Variants in WDR49 observed in about 807,000 individuals in gnomAD.
The protein encoded by WDR49 is WD repeat domain 49, also known as cilia- and flagella-associated protein 337.
A neutral mutation model predicts 119.5 loss-of-function variants in WDR49; 107 were observed. That is an observed-to-expected ratio of 0.90 (90% CI 0.77 to 1.05). The LOEUF is 1.05. Among genes scored for constraint, WDR49 ranks in the 50% least tolerant of loss-of-function variants. WDR49 has a pLI of 0.00. For synonymous variants in WDR49, 425 were observed against 418.8 expected, an observed-to-expected ratio of 1.01 and a Z score of -0.18; for missense variants, 1,240 against 1,220.5, an observed-to-expected ratio of 1.02 and a Z score of -0.24.
At chr3:167,641,576 A>G (rs1428089093) in intron 2 of WDR49, among the ~76,000 whole-genome samples, 1 of 151,982 alleles carries the variant, frequency 6.6e-6, no homozygotes, top group Non-Finnish European at 1.5e-5. Flanking sequence ...TCTTCTGAGC[A>G]CTAAACCTTT....
chr3:167,586,094 T>C lies in WDR49; in HGVS notation c.1276-9943A>G, dbSNP rs186792756. 2.4e-3 allele frequency among the ~76,000 whole-genome samples: 371 copies of C among 152,304 alleles called. 1 individual carries two copies. Among genetic ancestry groups the C allele is most frequent in the African/African-American group, 8.3e-3 (345 of 41,590 alleles). ...TCTTACCAACCATAGGTCTACAATA[T>C]AGAAGCCAGGTTCTGAGAAAAATCA... is the stretch of plus-strand genomic sequence containing the variant. On this transcript the variant is annotated intron_variant, in intron 7 of 18. Coordinates refer to ENST00000682715, the MANE Select transcript of WDR49 (RefSeq NM_001366157.1).
chr3:167,641,481 G>C (rs1333253725), intron 2 of WDR49, among the ~76,000 whole-genome samples: 1 of 151,782 alleles, frequency 6.6e-6, no homozygotes. Context: ...ATATACCCTA[G>C]CTGATTTATA....
chr3:167,530,576 A>C (rs1043874796), intron 13 of WDR49, among the ~76,000 whole-genome samples: 5 of 152,098 alleles, frequency 3.3e-5, no homozygotes, highest in Non-Finnish European at 5.9e-5. Flanking sequence ...ACTTAAAAAA[A>C]AAAACAAAAC....
Position 167,575,930 on chromosome 3 carries a change from A to G in WDR49, c.1497T>C (p.Ser499=). The G allele has an allele frequency of 6.2e-7, 1 of 1,614,136 alleles. No homozygotes were observed. The highest frequency in any genetic ancestry group is 8.5e-7 in the Non-Finnish European group (1 of 1,179,976). Residue 499 remains serine, a synonymous_variant, in exon 8 of 19, where the codon TCT becomes TCC. Coordinates refer to ENST00000682715, the MANE Select transcript of WDR49 (RefSeq NM_001366157.1). The part of the protein sequence containing the change: ...EKAVTCVLYN[S]ILKQVISSDT... Reference sequence around the variant, plus strand: ...AAAGCATCATTACCTGCTTCAAGATAGAATTGTAAAGAACACAAGTGACTG... The same window carrying G: ...AAAGCATCATTACCTGCTTCAAGATGGAATTGTAAAGAACACAAGTGACTG...
chr3:167,529,202 A>C lies in WDR49; in HGVS notation c.2256T>G (p.Tyr752Ter). The change falls in exon 14 of 19, where the codon TAT (tyrosine) becomes TAG (stop). Residue 752 changes from tyrosine (Y) to a stop codon, truncating the protein, a stop_gained. Coordinates refer to ENST00000682715, the MANE Select transcript of WDR49 (RefSeq NM_001366157.1). LOFTEE classifies it high-confidence loss of function. ...ANLVSCGGSG[Y>*]VRFWDIYKKQ... ...TCTTATATATATCCCAAAATCTGAC[A>C]TAACCAGATCCTCCACATGATACCA... The C allele has an allele frequency of 6.2e-7, 1 of 1,608,910 alleles. No homozygotes were observed. The highest frequency in any genetic ancestry group is 8.5e-7 in the Non-Finnish European group (1 of 1,178,274).
At chr3:167,595,622 G>C (rs562408270) in intron 7 of WDR49, among the ~76,000 whole-genome samples, 1 of 152,162 alleles carries the variant, frequency 6.6e-6, no homozygotes, top group Non-Finnish European at 1.5e-5. Flanking sequence ...ATGGGGAAAG[G>C]ATTCCCTATT....
chr3:167,500,125 T>C (rs756142059), intron 18 of WDR49, 28 bp downstream of exon 18: 4 of 1,529,530 alleles, frequency 2.6e-6, no homozygotes, highest in Non-Finnish European at 3.5e-6. Flanking sequence ...AGAGGGATAA[T>C]AGAGGTGTAT....
rs548165866 is a variant in WDR49 at position 167,601,346 on chromosome 3, C to A, written c.1275+781G>T. ...TGAATTTCTATGTAATTTATATTTG[C>A]ATATATTTTAGCATACAACAAAAAT... On this transcript the variant is annotated intron_variant, in intron 7 of 18. Transcript: ENST00000682715. 4.6e-5 allele frequency among the ~76,000 whole-genome samples: 7 copies of A among 152,208 alleles called. No homozygotes were observed. In the East Asian group the frequency reaches 1.2e-3, roughly 25 times the overall value.
chr3:167,647,090 A>T (rs776644961), intron 2 of WDR49, among the ~76,000 whole-genome samples: 28 of 152,186 alleles, frequency 1.8e-4, no homozygotes, highest in Non-Finnish European at 3.4e-4. Context: ...TCATTCTTTT[A>T]TTCATTTTTC....
At chr3:167,592,061 C>T (rs1715142329) in intron 7 of WDR49, among the ~76,000 whole-genome samples, 2 of 151,690 alleles carry the variant, frequency 1.3e-5, no homozygotes, top group African/African-American at 4.8e-5. Flanking sequence ...TTGTTCATTC[C>T]TTGTATGTTT....
intron 2 of WDR49, among the ~76,000 whole-genome samples, chr3:167,651,669 C>T (rs1254544513): frequency 5.3e-5 from 8 of 152,086 alleles, no homozygotes; most frequent in Non-Finnish European, 1.2e-4. Flanking sequence ...ATACAAGCTC[C>T]GAATTACCTT....
chr3:167,616,585 G>A (rs527827878), intron 5 of WDR49, among the ~76,000 whole-genome samples: 1 of 151,810 alleles, frequency 6.6e-6, no homozygotes, highest in African/African-American at 2.4e-5. Context: ...GAAAATGTGG[G>A]ACAGAATTCT....
chr3:167,643,670 G>A (rs1717986250), intron 2 of WDR49, among the ~76,000 whole-genome samples: 1 of 152,024 alleles, frequency 6.6e-6, no homozygotes, highest in East Asian at 1.9e-4. Context: ...TCCTAGGGAA[G>A]TTTACTTAAA....
intron 10 of WDR49, among the ~76,000 whole-genome samples, chr3:167,540,987 C>A (rs1442298972): frequency 6.6e-6 from 1 of 151,322 alleles, no homozygotes; most frequent in Non-Finnish European, 1.5e-5. Context: ...TCAAATCAAC[C>A]CAATCAGAAA....
At chr3:167,652,992 A>AT (rs1336523052) in intron 2 of WDR49, among the ~76,000 whole-genome samples, 1 of 152,146 alleles carries the variant, frequency 6.6e-6, no homozygotes, top group Admixed American at 6.5e-5. Context: ...TAAGAAAAAA[A>AT]TTTTTTCCAA....
In WDR49 at chr3:167,500,299, C is replaced by T; in HGVS notation, c.2885G>A (p.Ser962Asn). 1 of 1,604,362 alleles carries T rather than the reference C, an allele frequency of 6.2e-7. No individual in the cohort carries two copies. Among genetic ancestry groups the T allele is most frequent in the Non-Finnish European group, 8.5e-7 (1 of 1,176,918 alleles). The change falls in exon 18 of 19, where the codon AGT becomes AAT. Residue 962 changes from serine to asparagine, a missense_variant and splice_region_variant. By Grantham distance (46) the Ser-to-Asn change is conservative. Transcript: ENST00000682715. ...YYGEVIKKSFSTFRSLNIGAL... is the reference protein window; with the variant it reads ...YYGEVIKKSFNTFRSLNIGAL... ...TCCAATGTTTAATGACCTAAATGTACCTTCACAACAGCAGGTTTTAGAGGA... is the reference window on the plus strand; with the variant it reads ...TCCAATGTTTAATGACCTAAATGTATCTTCACAACAGCAGGTTTTAGAGGA...
intron 5 of WDR49, among the ~76,000 whole-genome samples, chr3:167,617,034 G>T (rs138911645): frequency 6.6e-6 from 1 of 152,104 alleles, no homozygotes; most frequent in African/African-American, 2.4e-5. Flanking sequence ...TGGTAGGTTT[G>T]GTTCGCAGGG....
At position 167,554,781 on chromosome 3, in the gene WDR49, T is replaced by C. The variant is rs1323544458; in HGVS notation, c.1692A>G (p.Gly564=). The part of the protein sequence containing the change: ...DGTVKIWDFN[G]YCHHTLNVGQ... ...CAACATTTAGTGTATGGTGACAATA[T>C]CCATTGAAGTCCCATATCTTTAAGA... The change falls in exon 10 of 19, where the codon GGA becomes GGG. Residue 564 remains glycine (G), a synonymous_variant. Coordinates refer to ENST00000682715, the MANE Select transcript of WDR49 (RefSeq NM_001366157.1). 1.6e-5 allele frequency: 26 copies of C among 1,606,072 alleles called. No individual in the cohort carries two copies. Among genetic ancestry groups the C allele is most frequent in the Non-Finnish European group, 1.9e-5 (22 of 1,177,868 alleles).
At chr3:167,557,547 T>G (rs921826276) in intron 9 of WDR49, among the ~76,000 whole-genome samples, 3 of 152,132 alleles carry the variant, frequency 2.0e-5, no homozygotes, top group African/African-American at 7.2e-5. Context: ...TATGGAAGCT[T>G]GAGCAAGTTG....
Sources: gnomAD v4.1 joint callset for allele counts (sites outside exome capture counted in the v4.1 genomes callset) on GRCh38, gnomAD v4.1.1 for gene constraint, MANE v1.5 for transcripts, NCBI Gene and HGNC (gene_info 2026-07-23, HGNC 2026-07-21) for gene names.